RP1: variants seen among roughly 807,000 people sequenced by gnomAD.
RP1 encodes RP1 axonemal microtubule associated.
Under a neutral mutation model 14.8 loss-of-function variants are expected in RP1, and 16 were observed. The ratio of observed to expected loss-of-function variants is 1.08; its 90% CI spans 0.73 to 1.65. RP1 has a LOEUF of 1.65. Among genes scored for constraint, RP1 ranks in the 40% most tolerant of loss-of-function variants. The pLI is 0.00. For synonymous variants in RP1, 876 were observed against 883.6 expected, an observed-to-expected ratio of 0.99 and a Z score of 0.15; for missense variants, 2,631 against 2,535.0, an observed-to-expected ratio of 1.04 and a Z score of -0.81.
At chr8:54,749,942 G>A (rs1809317465) in intron 19 of RP1, among the ~76,000 whole-genome samples, 1 of 151,940 alleles carries the variant, frequency 6.6e-6, no homozygotes, top group African/African-American at 2.4e-5. Context: ...TCATGGAGGG[G>A]CCCAGGAGAG....
intron 24 of RP1, among the ~76,000 whole-genome samples, chr8:54,831,714 C>T (rs756443351): frequency 6.6e-6 from 1 of 151,306 alleles, no homozygotes; most frequent in Non-Finnish European, 1.5e-5. Flanking sequence ...TTATATATAC[C>T]CTTTTATGTA....
exon 17 of RP1, chr8:54,726,358 C>T: frequency 1.3e-6 from 2 of 1,522,054 alleles, no homozygotes; most frequent in Non-Finnish European, 1.8e-6. Flanking sequence ...GCAGAGAAAA[C>T]CCAATGGGAA....
intron 24 of RP1, among the ~76,000 whole-genome samples, chr8:54,793,098 A>C (rs1810505288): frequency 6.6e-6 from 1 of 151,894 alleles, no homozygotes; most frequent in African/African-American, 2.4e-5. Context: ...AAAACGTATA[A>C]ATTTATAGAA....
Position 54,648,989 on chromosome 8 carries a change from TA to T in RP1, c.794del (p.Asn265ThrfsTer6), listed in dbSNP as rs1313713771. The T allele has an allele frequency of 1.3e-6, 2 of 1,505,204 alleles. No homozygotes were observed. Among genetic ancestry groups the T allele is most frequent in the Non-Finnish European group, 1.8e-6 (2 of 1,137,286 alleles). 93.2% of individuals were successfully genotyped at this position (1,505,204 alleles called of 1,614,324 possible). ...ATGTTATTTTTTCTTTTATAGGTAG[TA>T]ACTGGAAAGTTTTTATAATCACCAG... On this transcript the variant is annotated frameshift_variant, in exon 4 of 23. Coordinates refer to the RP1 transcript ENST00000636932. LOFTEE classifies it high-confidence loss of function.
chr8:54,708,716 A>AT (rs55828552), intron 15 of RP1, among the ~76,000 whole-genome samples: 329 of 139,924 alleles, frequency 2.4e-3, no homozygotes, highest in African/African-American at 4.6e-3. Context: ...TGACTCTTCC[A>AT]TTTTTTTTTT....
At chr8:54,576,467 A>T (rs2129294934) in intron 1 of RP1, among the ~76,000 whole-genome samples, 1 of 152,326 alleles carries the variant, frequency 6.6e-6, no homozygotes. Flanking sequence ...CTTACCGGCA[A>T]CCTAATTTAT....
rs149015511 is a variant in RP1 at position 54,698,238 on chromosome 8, A to G, written c.1718-1229A>G. Among the ~76,000 whole-genome samples, 473 of 152,318 alleles carry G rather than the reference A, an allele frequency of 3.1e-3. 5 individuals carry two copies. The highest frequency in any genetic ancestry group is 0.011 in the African/African-American group (453 of 41,566). ...AAAAAATGGGCAAAGGATATGAACA[A>G]ACACTTCTCAAAAGAGACATTTATG... On this transcript the variant is annotated intron_variant, in intron 12 of 22. Coordinates refer to the RP1 transcript ENST00000636932.
chr8:54,750,671 T>A (rs2136516), intron 19 of RP1, among the ~76,000 whole-genome samples: 182 of 10,278 alleles, frequency 0.018, no homozygotes, highest in African/African-American at 0.045. Flanking sequence ...ATTAGTGCTC[T>A]GTAGCTAGCA....
chr8:54,734,772 C>A, intron 18 of RP1: 1 of 1,499,884 alleles, frequency 6.7e-7, no homozygotes, highest in South Asian at 1.3e-5. Context: ...TAATATTTTC[C>A]TGTGAACATT....
chr8:54,583,934 A>G (rs962940225), intron 1 of RP1, among the ~76,000 whole-genome samples: 4 of 151,850 alleles, frequency 2.6e-5, no homozygotes, highest in African/African-American at 4.8e-5. Flanking sequence ...AATTTTGTTG[A>G]TCTTTTCAAA....
At chr8:54,818,127 AT>A (rs1434301826) in intron 24 of RP1, among the ~76,000 whole-genome samples, 2 of 152,212 alleles carry the variant, frequency 1.3e-5, no homozygotes, top group East Asian at 3.8e-4. Context: ...TGCTTAGGTG[AT>A]TTTTCATGCC....
intron 6 of RP1, among the ~76,000 whole-genome samples, chr8:54,662,958 T>A (rs1806933745): frequency 6.6e-6 from 1 of 152,182 alleles, no homozygotes; most frequent in African/African-American, 2.4e-5. Context: ...AGTCCCCGCT[T>A]ATCCATGGTT....
intron 12 of RP1, chr8:54,679,975 G>C: frequency 1.3e-6 from 2 of 1,507,730 alleles, no homozygotes; most frequent in African/African-American, 1.4e-5. Flanking sequence ...GACAGGTCTG[G>C]GAGTTAAAGG....
At position 54,626,384 on chromosome 8, in the gene RP1, T is replaced by C. The variant is rs752344211; in HGVS notation, c.2502T>C (p.Tyr834=). 6.2e-7 allele frequency: 1 copy of C among 1,613,670 alleles called. No individual in the cohort carries two copies. Among genetic ancestry groups the C allele is most frequent in the Non-Finnish European group, 8.5e-7 (1 of 1,179,904 alleles). ...NILEQKPKDF[Y]APQSQAEVAS... ...TTGAGCAAAAACCCAAAGATTTTTA[T>C]GCACCGCAATCTCAAGCAGAAGTGG... Residue 834 remains tyrosine (Y), a synonymous_variant, in exon 4 of 4, where the codon TAT becomes TAC. Transcript: ENST00000220676.
At position 54,566,552 on chromosome 8, in the gene RP1, G is replaced by A. The variant is rs192660809; in HGVS notation, c.-13+7232G>A. The stretch of plus-strand genomic sequence containing the variant: ...AAGGAGTGGCTAGAGGAATGGGCCA[G>A]GCAGGTCAAAGCCATCAGATTTTAG... On this transcript the variant is annotated intron_variant, in intron 1 of 22. Coordinates refer to the RP1 transcript ENST00000636932. 1.6e-4 allele frequency among the ~76,000 whole-genome samples: 25 copies of A among 152,280 alleles called. No homozygotes were observed. In the East Asian group the frequency reaches 4.8e-3, roughly 30 times the overall value.
chr8:54,828,145 G>A (rs533921070), intron 24 of RP1, among the ~76,000 whole-genome samples: 1 of 152,238 alleles, frequency 6.6e-6, no homozygotes, highest in Non-Finnish European at 1.5e-5. Flanking sequence ...CTGTTTTACA[G>A]TTAGTTTTAA....
intron 1 of RP1, among the ~76,000 whole-genome samples, chr8:54,578,422 G>T (rs1804709279): frequency 6.6e-6 from 1 of 151,872 alleles, no homozygotes; most frequent in Admixed American, 6.6e-5. Context: ...TGCCTAAGCT[G>T]GTCTTGAACT....
rs770335858 is a variant in RP1, at chr8:54,625,860, A to C, written c.1978A>C (p.Asn660His). The change falls in exon 4 of 4, where the codon AAT becomes CAT. Residue 660 changes from asparagine to histidine, a missense_variant. Physicochemically the swap from Asn to His is moderately conservative, Grantham distance 68. Coordinates refer to ENST00000220676, the MANE Select transcript of RP1 (RefSeq NM_006269.2). ...GTGTGGTTTAACAAAACTTCCAAAA[A>C]ATGAAAAGAAGATTTTGTCATCTGT... Reference protein sequence around the residue: ...AQCGLTKLPKNEKKILSSVAS... With the variant: ...AQCGLTKLPKHEKKILSSVAS... 7.4e-6 allele frequency: 12 copies of C among 1,613,748 alleles called. No homozygotes were observed. The highest frequency in any genetic ancestry group is 1.0e-5 in the Non-Finnish European group (12 of 1,179,972).
In RP1 at chr8:54,780,007, A is replaced by AT. The variant is rs5891550; in HGVS notation, c.3452-3533dup. On this transcript the variant is annotated intron_variant, in intron 23 of 28. Transcript: ENST00000637698. ...TGGGTTAACATGGCTCAGCTAGGTGATTTTTTTGCGTGGAGCTTCTCACAC... is the reference window on the plus strand; with the variant it reads ...TGGGTTAACATGGCTCAGCTAGGTGATTTTTTTTGCGTGGAGCTTCTCACAC... Among the ~76,000 whole-genome samples the AT allele has an allele frequency of 3.9e-5, 6 of 152,070 alleles. No individual in the cohort carries two copies. In the East Asian group the frequency reaches 7.7e-4, roughly 20 times the overall value.
Sources: allele counts gnomAD v4.1 joint callset (sites outside exome capture counted in the v4.1 genomes callset), GRCh38; gene constraint gnomAD v4.1.1; transcripts MANE v1.5; gene names NCBI Gene and HGNC (gene_info 2026-07-23, HGNC 2026-07-21).